ITPR2: variants seen among roughly 807,000 people sequenced by gnomAD.
ITPR2 encodes inositol 1,4,5-trisphosphate-gated calcium channel ITPR2.
In ITPR2, 207 loss-of-function variants were observed where a neutral mutation model predicts 317.1. The observed-to-expected ratio is 0.65, with a 90% confidence interval of 0.58 to 0.73. ITPR2 has a LOEUF of 0.73. Ranked by LOEUF, ITPR2 falls within the 30% of genes least tolerant of loss-of-function variation. ITPR2 has a pLI of 0.00. For missense variants in ITPR2, 2,613 were observed against 3,284.0 expected, an observed-to-expected ratio of 0.80 and a Z score of 4.99; for synonymous variants, 1,156 against 1,149.1, an observed-to-expected ratio of 1.01 and a Z score of -0.12.
At chr12:26,731,788 A>C (rs1949032574) in intron 2 of ITPR2, among the ~76,000 whole-genome samples, 1 of 152,132 alleles carries the variant, frequency 6.6e-6, no homozygotes, top group Non-Finnish European at 1.5e-5. Flanking sequence ...ACAAAGCAAG[A>C]CCTTGTCTCT....
intron 1 of ITPR2, among the ~76,000 whole-genome samples, chr12:26,810,998 A>G (rs1391002529): frequency 6.8e-6 from 1 of 147,824 alleles, no homozygotes; most frequent in African/African-American, 2.5e-5. Context: ...AATGAAGTTT[A>G]AATCCATGTC....
intron 55 of ITPR2, among the ~76,000 whole-genome samples, chr12:26,350,679 G>A (rs553264177): frequency 6.6e-6 from 1 of 152,094 alleles, no homozygotes; most frequent in East Asian, 1.9e-4. Flanking sequence ...CAACAGCCTG[G>A]ACTATGAATA....
intron 4 of ITPR2, 26 bp from the exon 5 acceptor site, chr12:26,722,581 A>G: frequency 1.3e-6 from 2 of 1,556,338 alleles, no homozygotes; most frequent in Non-Finnish European, 1.8e-6. Flanking sequence ...ATAGATTACC[A>G]CCTTTATTCT....
At chr12:26,370,675 G>GTTGT (rs754495598) in intron 55 of ITPR2, among the ~76,000 whole-genome samples, 8 of 152,104 alleles carry the variant, frequency 5.3e-5, no homozygotes, top group African/African-American at 1.4e-4. Context: ...GTTGTTGTTT[G>GTTGT]TTGTTTGTTT....
At chr12:26,759,138 C>T (rs1476495706) in intron 2 of ITPR2, among the ~76,000 whole-genome samples, 3 of 152,196 alleles carry the variant, frequency 2.0e-5, no homozygotes, top group African/African-American at 7.2e-5. Flanking sequence ...CATAAATTCT[C>T]ACCGTTTCAA....
At chr12:26,752,776 C>G (rs911997380) in intron 2 of ITPR2, among the ~76,000 whole-genome samples, 3 of 151,224 alleles carry the variant, frequency 2.0e-5, no homozygotes, top group African/African-American at 7.4e-5. Context: ...GATCAGGACC[C>G]CTTTCCTGTA....
intron 13 of ITPR2, among the ~76,000 whole-genome samples, chr12:26,679,200 A>C (rs1041962690): frequency 3.3e-5 from 5 of 152,162 alleles, no homozygotes; most frequent in African/African-American, 9.7e-5. Context: ...TGGAGGTGCG[A>C]CTGAATATAC....
intron 52 of ITPR2, among the ~76,000 whole-genome samples, chr12:26,402,704 A>T (rs1439445610): frequency 6.6e-6 from 1 of 152,206 alleles, no homozygotes; most frequent in Non-Finnish European, 1.5e-5. Flanking sequence ...AGAAGCCTCT[A>T]TGCCCTCAGT....
intron 45 of ITPR2, among the ~76,000 whole-genome samples, chr12:26,445,749 G>A (rs1261645911): frequency 2.6e-5 from 4 of 152,112 alleles, no homozygotes; most frequent in Admixed American, 6.6e-5. Context: ...AATGGGAGGT[G>A]AGGAAGTATA....
At chr12:26,740,409 T>C (rs192510461) in intron 2 of ITPR2, among the ~76,000 whole-genome samples, 1 of 152,252 alleles carries the variant, frequency 6.6e-6, no homozygotes, top group Admixed American at 6.5e-5. Context: ...TACCAACTCA[T>C]TATTCTAAAA....
Position 26,682,821 on chromosome 12 carries a change from G to A in ITPR2, c.1149-148C>T, listed in dbSNP as rs532969613. ...ATCCCTCTGCTTTAAGGGGAAATTC[G>A]GAATTATAGACTATTTCAAAGCATG... On this transcript the variant is annotated intron_variant, in intron 11 of 56. Coordinates refer to ENST00000381340, the MANE Select transcript of ITPR2 (RefSeq NM_002223.4). The A allele has an allele frequency of 4.1e-5, 24 of 591,814 alleles. 1 individual carries two copies. The highest frequency in any genetic ancestry group is 4.4e-4 in the Middle Eastern group (1 of 2,284). 36.7% of individuals were successfully genotyped at this position (591,814 alleles called of 1,614,324 possible).
rs747954884 is a variant in ITPR2, at chr12:26,663,795, T to A, written c.1603A>T (p.Met535Leu). 3.7e-6 allele frequency: 6 copies of A among 1,613,984 alleles called. No homozygotes were observed. The highest frequency in any genetic ancestry group is 5.1e-6 in the Non-Finnish European group (6 of 1,179,938). Residue 535 changes from methionine (M) to leucine (L), a missense_variant, in exon 15 of 57, where the codon ATG becomes TTG. By Grantham distance (15) the Met-to-Leu change is conservative (BLOSUM62 2). Around this residue, in one of 9 missense-constraint regions of ITPR2, gnomAD observed 515 missense variants for 789.4 expected, o/e 0.65. Coordinates refer to ENST00000381340, the MANE Select transcript of ITPR2 (RefSeq NM_002223.4). Reference sequence around the variant, plus strand: ...TCCCCCAGATCTTCAAGTCTCAGCATCGAGCCTTCTCCTGCTTTCTCTTTA... The same window carrying A: ...TCCCCCAGATCTTCAAGTCTCAGCAACGAGCCTTCTCCTGCTTTCTCTTTA... ...PFKEKAGEGS[M>L]LRLEDLGDQR...
At position 26,602,509 on chromosome 12, in the gene ITPR2, A is replaced by G; in HGVS notation, c.3553-14T>C. ...CCTGATCAAAATCTTTAAAAGGAAG[A>G]GGGAAAGCATCAAATATAATAAATA... On this transcript the variant is annotated splice_polypyrimidine_tract_variant and intron_variant, in intron 27 of 56. Transcript: ENST00000381340. 1 of 1,605,406 alleles carries G rather than the reference A, an allele frequency of 6.2e-7. No individual in the cohort carries two copies. The highest frequency in any genetic ancestry group is 1.7e-4 in the Middle Eastern group (1 of 6,032).
At chr12:26,340,649 A>G (rs1938080400) in intron 55 of ITPR2, among the ~76,000 whole-genome samples, 1 of 152,184 alleles carries the variant, frequency 6.6e-6, no homozygotes, top group South Asian at 2.1e-4. Flanking sequence ...GGGGGAGCAG[A>G]TCCAAGTGTG....
chr12:26,648,972 T>C (rs1027919662), intron 21 of ITPR2: 2 of 152,240 alleles, frequency 1.3e-5, no homozygotes, highest in Admixed American at 1.3e-4. Flanking sequence ...TAATAACACA[T>C]CTCCTAGTAG....
At chr12:26,641,475 A>G (rs1946988129) in intron 21 of ITPR2, among the ~76,000 whole-genome samples, 1 of 40,860 alleles carries the variant, frequency 2.4e-5, no homozygotes, top group African/African-American at 9.1e-5. Context: ...GAGAAAAAGA[A>G]AAAGAAAAGA....
At chr12:26,430,952 G>T (rs1366428864) in intron 48 of ITPR2, among the ~76,000 whole-genome samples, 1 of 152,082 alleles carries the variant, frequency 6.6e-6, no homozygotes, top group Non-Finnish European at 1.5e-5. Context: ...AGCTAAAGTA[G>T]ACATCCACTC....
At chr12:26,433,999 A>T (rs1407205423) in intron 48 of ITPR2, among the ~76,000 whole-genome samples, 2 of 152,218 alleles carry the variant, frequency 1.3e-5, no homozygotes, top group Non-Finnish European at 2.9e-5. Flanking sequence ...AGGGTAAATT[A>T]AAAAACATTT....
At chr12:26,415,215 A>G (rs757413039) in intron 51 of ITPR2, 88 bp downstream of exon 51, 113 of 837,690 alleles carry the variant, frequency 1.3e-4, no homozygotes, top group Non-Finnish European at 1.8e-4. Context: ...CATTTCCTCT[A>G]TTCGTGTTTA....
Sources: gnomAD v4.1 joint callset for allele counts (sites outside exome capture counted in the v4.1 genomes callset) on GRCh38, gnomAD v4.1.1 for gene constraint, gnomAD v4.1.1 regional missense constraint, MANE v1.5 for transcripts, NCBI Gene and HGNC (gene_info 2026-07-23, HGNC 2026-07-21) for gene names.